The following WIPF3 variants were observed in gnomAD, a reference collection of about 807,000 sequenced individuals.
The protein encoded by WIPF3 is WAS/WASL interacting protein family member 3.
A neutral mutation model predicts 38.9 loss-of-function variants in WIPF3; 33 were observed. The observed-to-expected ratio is 0.85, with a 90% CI of 0.64 to 1.14. The LOEUF (loss-of-function observed/expected upper bound fraction) is 1.14, where lower values mean the gene tolerates loss of function less well. Among genes scored for constraint, WIPF3 ranks in the 50% most tolerant of loss-of-function variants. The pLI is 0.00. For synonymous variants in WIPF3, 324 were observed against 269.3 expected, an observed-to-expected ratio of 1.20 and a Z score of -1.99; for missense variants, 711 against 652.5, an observed-to-expected ratio of 1.09 and a Z score of -0.98.
At chr7:29,830,008 T>C (rs2128064554) in intron 1 of WIPF3, among the ~76,000 whole-genome samples, 1 of 152,284 alleles carries the variant, frequency 6.6e-6, no homozygotes, top group Non-Finnish European at 1.5e-5. Flanking sequence ...GAAGAGCTCT[T>C]GCGTGCAGCC....
At chr7:29,890,852 GAT>G (rs1785996491) in intron 7 of WIPF3, among the ~76,000 whole-genome samples, 4 of 138,822 alleles carry the variant, frequency 2.9e-5, no homozygotes, top group Admixed American at 7.1e-5. Context: ...AGGTGGAGGG[GAT>G]GTGGGCCTGC....
At chr7:29,881,526 A>C (rs1250367033) in intron 4 of WIPF3, among the ~76,000 whole-genome samples, 16 of 152,242 alleles carry the variant, frequency 1.1e-4, no homozygotes, top group Admixed American at 1.0e-3. Context: ...TTTTAGGATC[A>C]AAGAATGTAT....
rs78895906 is a variant in WIPF3, at chr7:29,850,760, C to T, written c.90+15946C>T. ...TTCCAGGGGGCCAGAGAGCACCATGCCCCACCTGGCACACACTCACCTTCC... is the reference window on the plus strand; with the variant it reads ...TTCCAGGGGGCCAGAGAGCACCATGTCCCACCTGGCACACACTCACCTTCC... On this transcript the variant is annotated intron_variant, in intron 2 of 8. Transcript: ENST00000242140. Among the ~76,000 whole-genome samples the T allele has an allele frequency of 7.9e-3, 1,196 of 152,268 alleles. 36 individuals carry two copies. Among genetic ancestry groups the T allele is most frequent in the Admixed American group, 0.054 (826 of 15,296 alleles).
intron 2 of WIPF3, among the ~76,000 whole-genome samples, chr7:29,837,441 T>C (rs774990788): frequency 4.6e-5 from 7 of 152,208 alleles, no homozygotes; most frequent in Non-Finnish European, 8.8e-5. Context: ...ATAGCAAAAA[T>C]CAGAAGAGAA....
chr7:29,833,125 G>C (rs1050188590), intron 1 of WIPF3, among the ~76,000 whole-genome samples: 2 of 152,218 alleles, frequency 1.3e-5, no homozygotes, highest in African/African-American at 4.8e-5. Flanking sequence ...CAAATTCATA[G>C]AGACAGAAAG....
chr7:29,899,626 C>T (rs1390529894), intron 7 of WIPF3, among the ~76,000 whole-genome samples: 1 of 152,174 alleles, frequency 6.6e-6, no homozygotes, highest in East Asian at 1.9e-4. Context: ...GGAAATAGCA[C>T]ACATCTCCAG....
At chr7:29,897,761 T>C (rs554738117) in intron 7 of WIPF3, among the ~76,000 whole-genome samples, 10 of 152,314 alleles carry the variant, frequency 6.6e-5, no homozygotes, top group Non-Finnish European at 1.3e-4. Flanking sequence ...TTTCCATCTT[T>C]GCGGAAGGCA....
chr7:29,826,376 A>T (rs962297773), intron 1 of WIPF3, among the ~76,000 whole-genome samples: 1 of 152,152 alleles, frequency 6.6e-6, no homozygotes, highest in Non-Finnish European at 1.5e-5. Flanking sequence ...CTACTGAATC[A>T]GCTGAATCAG....
At chr7:29,863,556 C>T (rs942772127) in intron 2 of WIPF3, among the ~76,000 whole-genome samples, 2 of 152,176 alleles carry the variant, frequency 1.3e-5, no homozygotes, top group African/African-American at 4.8e-5. Flanking sequence ...ATTCTAGTTC[C>T]TTTGCCTTTC....
chr7:29,861,736 C>T (rs1672940102), intron 2 of WIPF3, among the ~76,000 whole-genome samples: 1 of 152,086 alleles, frequency 6.6e-6, no homozygotes, highest in Admixed American at 6.6e-5. Flanking sequence ...GGTCACTGGG[C>T]TTATGTGGTG....
At chr7:29,858,881 A>G (rs1384971742) in intron 2 of WIPF3, among the ~76,000 whole-genome samples, 1 of 152,070 alleles carries the variant, frequency 6.6e-6, no homozygotes, top group Non-Finnish European at 1.5e-5. Flanking sequence ...ACTTGTTTCT[A>G]TTTTCAGCTC....
chr7:29,896,924 T>C (rs1786157038), intron 7 of WIPF3, among the ~76,000 whole-genome samples: 1 of 152,202 alleles, frequency 6.6e-6, no homozygotes, highest in African/African-American at 2.4e-5. Context: ...GTACCTCACA[T>C]GTGCTTGAAA....
intron 1 of WIPF3, among the ~76,000 whole-genome samples, chr7:29,820,592 T>C (rs2128062652): frequency 6.6e-6 from 1 of 152,252 alleles, no homozygotes; most frequent in Non-Finnish European, 1.5e-5. Flanking sequence ...TGTTGTTGTT[T>C]CTTTTAATTT....
chr7:29,855,672 CA>C (rs1785175385), intron 2 of WIPF3, among the ~76,000 whole-genome samples: 1 of 152,168 alleles, frequency 6.6e-6, no homozygotes, highest in South Asian at 2.1e-4. Flanking sequence ...GGGTTAGCCT[CA>C]GGGGGACTTA....
At chr7:29,875,279 A>G (rs888969247) in intron 2 of WIPF3, among the ~76,000 whole-genome samples, 10 of 152,058 alleles carry the variant, frequency 6.6e-5, no homozygotes, top group African/African-American at 2.4e-4. Context: ...CCCTTAAGAG[A>G]CACAATGGGC....
intron 2 of WIPF3, among the ~76,000 whole-genome samples, chr7:29,869,260 T>G (rs192566914): frequency 2.0e-5 from 3 of 152,236 alleles, no homozygotes; most frequent in East Asian, 3.9e-4. Context: ...ACTCCCAACC[T>G]CAGGTGATCC....
chr7:29,834,918 T>G, intron 2 of WIPF3, 104 bp downstream of exon 2: 1 of 1,360,840 alleles, frequency 7.3e-7, no homozygotes, highest in South Asian at 1.4e-5. Flanking sequence ...CTAGCTTCCC[T>G]GTGGCAGGTG....
intron 7 of WIPF3, among the ~76,000 whole-genome samples, chr7:29,901,825 CAAAA>C (rs869296187): frequency 3.6e-5 from 3 of 82,592 alleles, no homozygotes; most frequent in Admixed American, 2.9e-4. Flanking sequence ...GTCCCTGTCT[CAAAA>C]AAAAAAAAAA....
intron 6 of WIPF3, among the ~76,000 whole-genome samples, chr7:29,888,968 G>C (rs1785949729): frequency 6.6e-6 from 1 of 152,174 alleles, no homozygotes; most frequent in African/African-American, 2.4e-5. Context: ...GTTGGGACCA[G>C]GGTCCCCACC....
Sources: allele counts gnomAD v4.1 joint callset (sites outside exome capture counted in the v4.1 genomes callset), GRCh38; gene constraint gnomAD v4.1.1; transcripts MANE v1.5; gene names NCBI Gene and HGNC (gene_info 2026-07-23, HGNC 2026-07-21).